The following NAA15 variants were observed in gnomAD, a reference collection of about 807,000 sequenced individuals.
NAA15 encodes N-alpha-acetyltransferase 15, NatA auxiliary subunit, also known as N-terminal acetyltransferase.
In NAA15, 34 loss-of-function variants were observed where a neutral mutation model predicts 114.0. That is an observed-to-expected ratio of 0.30 (90% confidence interval 0.23 to 0.40). The LOEUF is 0.40. Among genes scored for constraint, NAA15 ranks in the 10% least tolerant of loss-of-function variants. The pLI, the probability that NAA15 is intolerant of heterozygous loss-of-function variation, is 1.00. For synonymous variants in NAA15, 340 were observed against 338.0 expected, an observed-to-expected ratio of 1.01 and a Z score of -0.06; for missense variants, 658 against 1,004.5, an observed-to-expected ratio of 0.66 and a Z score of 4.66.
intron 1 of NAA15, among the ~76,000 whole-genome samples, chr4:139,308,868 A>G (rs1158338465): frequency 6.6e-6 from 1 of 151,724 alleles, no homozygotes; most frequent in Non-Finnish European, 1.5e-5. Flanking sequence ...CACCCACCTC[A>G]GCCTCTCCCA....
chr4:139,362,010 A>C, intron 14 of NAA15, 73 bp downstream of exon 14: 2 of 1,083,566 alleles, frequency 1.8e-6, no homozygotes, highest in Non-Finnish European at 2.7e-6. Flanking sequence ...TTTTCATTTA[A>C]TAGTATTGCT....
chr4:139,369,415 C>A (rs1295981951), intron 14 of NAA15, among the ~76,000 whole-genome samples: 1 of 152,102 alleles, frequency 6.6e-6, no homozygotes, highest in Non-Finnish European at 1.5e-5. Context: ...GAAGTGGTTC[C>A]GTTGTTTGCT....
intron 1 of NAA15, among the ~76,000 whole-genome samples, chr4:139,313,698 C>G (rs1351130773): frequency 6.6e-6 from 1 of 151,720 alleles, no homozygotes; most frequent in Non-Finnish European, 1.5e-5. Context: ...GCATGTGCCT[C>G]CATGCCCGGC....
At chr4:139,329,946 A>G (rs774317409) in intron 1 of NAA15, among the ~76,000 whole-genome samples, 3 of 152,184 alleles carry the variant, frequency 2.0e-5, no homozygotes, top group Non-Finnish European at 4.4e-5. Context: ...TGGTGGCATT[A>G]CTAGAGCTCA....
At chr4:139,313,645 A>T (rs1746292644) in intron 1 of NAA15, among the ~76,000 whole-genome samples, 1 of 151,402 alleles carries the variant, frequency 6.6e-6, no homozygotes, top group African/African-American at 2.4e-5. Context: ...CCCTGGTTCA[A>T]GTGATTCTCC....
chr4:139,349,241 A>T (rs868470100), intron 6 of NAA15, among the ~76,000 whole-genome samples: 6 of 152,252 alleles, frequency 3.9e-5, no homozygotes, highest in Non-Finnish European at 7.4e-5. Context: ...TAAATTGAGG[A>T]TGTGAAGAGG....
Position 139,357,193 on chromosome 4 carries a change from G to A in NAA15, c.1088-193G>A, listed in dbSNP as rs549934714. On this transcript the variant is annotated intron_variant, in intron 10 of 19. Transcript: ENST00000296543. Reference sequence around the variant, plus strand: ...TTATATGAAAGGGATTGTGCTAGGGGTTATAAGGATGCAGAAAAGAAAATA... The same window carrying A: ...TTATATGAAAGGGATTGTGCTAGGGATTATAAGGATGCAGAAAAGAAAATA... Among the ~76,000 whole-genome samples, 11 of 152,254 alleles carry A rather than the reference G, an allele frequency of 7.2e-5. No individual in the cohort carries two copies. The South Asian group carries it at 1.7e-3, about 23-fold the overall frequency.
intron 3 of NAA15, among the ~76,000 whole-genome samples, chr4:139,337,221 G>A (rs1747227450): frequency 6.6e-6 from 1 of 152,130 alleles, no homozygotes; most frequent in Non-Finnish European, 1.5e-5. Context: ...CATTGCTAGG[G>A]TCTGAATATT....
chr4:139,356,640 T>A (rs1747957737), intron 10 of NAA15: 1 of 152,088 alleles, frequency 6.6e-6, no homozygotes, highest in Admixed American at 6.6e-5. Context: ...CTAGGAAAAA[T>A]TTTTTAAAAA....
chr4:139,313,663 G>A (rs1277575588), intron 1 of NAA15, among the ~76,000 whole-genome samples: 1 of 151,354 alleles, frequency 6.6e-6, no homozygotes, highest in East Asian at 1.9e-4. Context: ...TCCTGCCTCA[G>A]CCTCCCGAGT....
chr4:139,370,485 G>C (rs1748405933), intron 15 of NAA15, 81 bp downstream of exon 15: 2 of 1,340,922 alleles, frequency 1.5e-6, no homozygotes, highest in South Asian at 2.1e-5. Context: ...TTATTTGACA[G>C]TATATAACCT....
At chr4:139,309,226 T>C (rs2110829429) in intron 1 of NAA15, among the ~76,000 whole-genome samples, 1 of 151,480 alleles carries the variant, frequency 6.6e-6, no homozygotes, top group South Asian at 2.1e-4. Context: ...CAGGCACCTG[T>C]AATCCCAGCT....
chr4:139,348,353 C>G (rs1579112810), intron 6 of NAA15, among the ~76,000 whole-genome samples: 1 of 151,068 alleles, frequency 6.6e-6, no homozygotes, highest in East Asian at 2.0e-4. Context: ...ACTAGGGAGG[C>G]TGAGGTGGTA....
intron 1 of NAA15, among the ~76,000 whole-genome samples, chr4:139,328,573 C>CTTT (rs56025831): frequency 4.2e-4 from 56 of 132,396 alleles, no homozygotes; most frequent in African/African-American, 6.8e-4. Flanking sequence ...TCTTTCTTTT[C>CTTT]TTTTTTTTTT....
intron 14 of NAA15, among the ~76,000 whole-genome samples, chr4:139,367,275 A>T (rs1748309965): frequency 6.6e-6 from 1 of 152,104 alleles, no homozygotes; most frequent in Admixed American, 6.6e-5. Context: ...AGGACCCAAG[A>T]CTGGAATAAT....
chr4:139,346,839 G>A lies in NAA15; in HGVS notation c.691+2500G>A, dbSNP rs1418485246. Among the ~76,000 whole-genome samples the A allele has an allele frequency of 2.0e-5, 3 of 152,136 alleles. No homozygotes were observed. The South Asian group carries it at 6.2e-4, about 31-fold the overall frequency. The stretch of plus-strand genomic sequence containing the variant: ...CCCAGCCTAGGCAAAATTTTTTATT[G>A]TTTATTCTTATACCACCAGTTCCTT... On this transcript the variant is annotated intron_variant, in intron 6 of 19. Transcript: ENST00000296543.
At chr4:139,303,076 T>C (rs910729620) in intron 1 of NAA15, among the ~76,000 whole-genome samples, 1 of 152,250 alleles carries the variant, frequency 6.6e-6, no homozygotes, top group Non-Finnish European at 1.5e-5. Context: ...AATCATCCAT[T>C]TGAACTAACT....
chr4:139,335,586 A>T (rs192381199), intron 2 of NAA15, among the ~76,000 whole-genome samples: 1 of 151,226 alleles, frequency 6.6e-6, no homozygotes, highest in Non-Finnish European at 1.5e-5. Flanking sequence ...GGCTGGTCTC[A>T]AACTCCTGAC....
At position 139,351,527 on chromosome 4, in the gene NAA15, G is replaced by A; in HGVS notation, c.930G>A (p.Leu310=). 6.2e-7 allele frequency: 1 copy of A among 1,600,168 alleles called. No homozygotes were observed. Among genetic ancestry groups the A allele is most frequent in the South Asian group, 1.1e-5 (1 of 90,570 alleles). The change falls in exon 9 of 20, where the codon TTG becomes TTA. Residue 310 remains leucine (L), a synonymous_variant. Transcript: ENST00000296543. ...AAGGTGAGAAGTTTAAAGAATGTTT[G>A]GATAAGTTCCTAAGGATGAATTTCA... The part of the protein sequence containing the change: ...FLSGEKFKEC[L]DKFLRMNFSK...
Sources: allele counts gnomAD v4.1 joint callset (sites outside exome capture counted in the v4.1 genomes callset), GRCh38; gene constraint gnomAD v4.1.1; transcripts MANE v1.5; gene names NCBI Gene and HGNC (gene_info 2026-07-23, HGNC 2026-07-21).